Variants in TMEM138 observed in about 807,000 individuals in gnomAD.
The protein encoded by TMEM138 is transmembrane protein 138.
TMEM138 carries 9 observed loss-of-function variants against 18.1 expected under a neutral mutation model. That is an observed-to-expected ratio of 0.50 (90% CI 0.30 to 0.87). The LOEUF is 0.87. TMEM138 is among the 40% of genes least tolerant of loss of function. The pLI is 0.06. For missense variants in TMEM138, 189 were observed against 190.6 expected (o/e 0.99, Z 0.05); for synonymous variants, 79 against 74.8 (o/e 1.06, Z -0.29).
At chr11:61,370,537 C>T (rs186248896), downstream of TMEM138, among the ~76,000 whole-genome samples, 8 of 152,214 alleles carry the variant, frequency 5.3e-5, no homozygotes, top group East Asian at 1.5e-3. Context: ...GAGCTGAAGC[C>T]ACACCCTGTC....
At chr11:61,374,113 G>T (rs1445699810), downstream of TMEM138, among the ~76,000 whole-genome samples, 1 of 150,226 alleles carries the variant, frequency 6.7e-6, no homozygotes, top group East Asian at 1.9e-4. Context: ...AAAGTTCTGG[G>T]ATTACAGGCC....
At chr11:61,370,766 G>A (rs191195676), downstream of TMEM138, among the ~76,000 whole-genome samples, 233 of 152,214 alleles carry the variant, frequency 1.5e-3, 6 homozygotes, top group South Asian at 0.046. Flanking sequence ...ACTTAACCAC[G>A]ACACTGAAGC....
downstream of TMEM138, among the ~76,000 whole-genome samples, chr11:61,373,404 T>C (rs930947603): frequency 6.6e-6 from 1 of 152,216 alleles, no homozygotes; most frequent in African/African-American, 2.4e-5. Context: ...GTTATAAAAG[T>C]TATAAAGGCT....
At chr11:61,368,533 G>C in intron 4 of TMEM138, 64 bp from the exon 5 acceptor site, 2 of 1,210,510 alleles carry the variant, frequency 1.7e-6, no homozygotes, top group Admixed American at 3.6e-5. Context: ...GCCAGGTTCT[G>C]TTCTTAACCT....
rs1464703730 is a variant in TMEM138, at chr11:61,369,009, C to T, written c.*300C>T. On this transcript the variant is annotated 3_prime_UTR_variant, in exon 5 of 5. Transcript: ENST00000278826. Reference sequence around the variant, plus strand: ...CTTTCTTGCCGAGGGTTCTGTGGCTCTTACCCTTGTGAAGCTTTTCCTTTA... The same window carrying T: ...CTTTCTTGCCGAGGGTTCTGTGGCTTTTACCCTTGTGAAGCTTTTCCTTTA... 5.9e-6 allele frequency: 2 copies of T among 336,280 alleles called. No homozygotes were observed. The highest frequency in any genetic ancestry group is 1.1e-5 in the Non-Finnish European group (2 of 176,628). The allele number at this position is 336,280 out of a possible 1,614,324, so 20.8% of individuals were successfully genotyped here.
intron 2 of TMEM138, 178 bp from the exon 3 acceptor site, chr11:61,365,867 T>A: frequency 3.0e-6 from 2 of 675,684 alleles, no homozygotes; most frequent in Non-Finnish European, 4.5e-6. Flanking sequence ...TAATTTTAGG[T>A]AATTTTAGCT....
Position 61,364,292 on chromosome 11 carries a change from G to A in TMEM138, c.-99G>A. 1.4e-6 allele frequency: 2 copies of A among 1,456,806 alleles called. No individual in the cohort carries two copies. Among genetic ancestry groups the A allele is most frequent in the East Asian group, 2.3e-5 (1 of 43,786 alleles). The allele number at this position is 1,456,806 out of a possible 1,614,324, so 90.2% of individuals were successfully genotyped here. On this transcript the variant is annotated 5_prime_UTR_variant, in exon 2 of 5. Transcript: ENST00000278826. ...CAAGGGAAACAGCTCTCATTCAAAGGAACTAGAAGCCTCTCCCTCAGTGGT... is the reference window on the plus strand; with the variant it reads ...CAAGGGAAACAGCTCTCATTCAAAGAAACTAGAAGCCTCTCCCTCAGTGGT...
Position 61,368,713 on chromosome 11 carries a change from C to T in TMEM138, c.*4C>T. ...GTTCATGCAAGTTCGAAGGTGACCT[C>T]TTGTCACACTGATGGATACTTTTCC... On this transcript the variant is annotated 3_prime_UTR_variant, in exon 5 of 5. Coordinates refer to ENST00000278826, the MANE Select transcript of TMEM138 (RefSeq NM_016464.5). The T allele has an allele frequency of 1.2e-6, 2 of 1,604,884 alleles. No homozygotes were observed. Among genetic ancestry groups the T allele is most frequent in the Non-Finnish European group, 1.7e-6 (2 of 1,171,900 alleles).
At chr11:61,369,800 C>G (rs1390341420), downstream of TMEM138, among the ~76,000 whole-genome samples, 2 of 152,220 alleles carry the variant, frequency 1.3e-5, no homozygotes, top group Admixed American at 6.5e-5. Flanking sequence ...TGCAGATTTA[C>G]TTCCCACAGA....
downstream of TMEM138, among the ~76,000 whole-genome samples, chr11:61,371,869 G>C (rs1858352122): frequency 6.6e-6 from 1 of 152,100 alleles, no homozygotes; most frequent in South Asian, 2.1e-4. Flanking sequence ...TTTCTGATTG[G>C]CAACTGGTTG....
chr11:61,373,989 C>A (rs1858400786), downstream of TMEM138, among the ~76,000 whole-genome samples: 1 of 151,848 alleles, frequency 6.6e-6, no homozygotes, highest in South Asian at 2.1e-4. Flanking sequence ...ATTACAGATG[C>A]CTGCCAACAC....
rs1858277397 is a variant in TMEM138, at chr11:61,369,438, T to C, written c.*729T>C. 1 of 152,248 alleles carries C rather than the reference T, an allele frequency of 6.6e-6. No homozygotes were observed. The highest frequency in any genetic ancestry group is 6.5e-5 in the Admixed American group (1 of 15,286). The allele number at this position is 152,248 out of a possible 1,614,324, so 9.4% of individuals were successfully genotyped here. A position where few individuals can be genotyped will look rare whatever the true frequency, so the allele number is the denominator to read the frequency against. On this transcript the variant is annotated 3_prime_UTR_variant, in exon 5 of 5. Coordinates refer to ENST00000278826, the MANE Select transcript of TMEM138 (RefSeq NM_016464.5). ...ATGTGTGTGCTCTGTTCAGACTCTCTTTCCTTATCAGAAGCCTTAACTGCC... is the reference window on the plus strand; with the variant it reads ...ATGTGTGTGCTCTGTTCAGACTCTCCTTCCTTATCAGAAGCCTTAACTGCC...
downstream of TMEM138, among the ~76,000 whole-genome samples, chr11:61,372,578 C>G (rs907443131): frequency 2.0e-5 from 3 of 151,054 alleles, no homozygotes; most frequent in African/African-American, 7.3e-5. Flanking sequence ...GTCAGGAGAT[C>G]GAGACCATCC....
chr11:61,366,114 C>G lies in TMEM138; in HGVS notation c.198C>G (p.Phe66Leu), dbSNP rs893514419. The change falls in exon 3 of 5, where the codon TTC becomes TTG. Residue 66 changes from phenylalanine to leucine, a missense_variant. Transcript: ENST00000278826. ...IFLMFFNTFV[F>L]QAGLVNLLFH... ...TCATGTTCTTCAACACCTTCGTCTTCCAGGCTGGCCTGGTCAACCTCCTAT... is the reference window on the plus strand; with the variant it reads ...TCATGTTCTTCAACACCTTCGTCTTGCAGGCTGGCCTGGTCAACCTCCTAT... 7.4e-6 allele frequency: 12 copies of G among 1,614,228 alleles called. No individual in the cohort carries two copies. Among genetic ancestry groups the G allele is most frequent in the Non-Finnish European group, 9.3e-6 (11 of 1,180,030 alleles).
chr11:61,372,094 T>G (rs1220578768), downstream of TMEM138, among the ~76,000 whole-genome samples: 3 of 151,248 alleles, frequency 2.0e-5, no homozygotes, highest in Admixed American at 2.0e-4. Flanking sequence ...GAGAATTGCT[T>G]GAACCTGGGA....
downstream of TMEM138, among the ~76,000 whole-genome samples, chr11:61,375,460 CTA>C (rs1858423433): frequency 6.6e-6 from 1 of 151,258 alleles, no homozygotes; most frequent in East Asian, 1.9e-4. Context: ...GTAGCTGGGA[CTA>C]CAGGCATGCG....
At position 61,365,583 on chromosome 11, in the gene TMEM138, T is replaced by A. The variant is rs1250300466; in HGVS notation, c.129-462T>A. 2.6e-5 allele frequency: 4 copies of A among 152,230 alleles called. No individual in the cohort carries two copies. The East Asian group carries it at 7.8e-4, about 30-fold the overall frequency. The allele number at this position is 152,230 out of a possible 1,614,324, so 9.4% of individuals were successfully genotyped here. A position where few individuals can be genotyped will look rare whatever the true frequency, so the allele number is the denominator to read the frequency against. ...AGGCATGAGCTAATTTTTTTTTTAATTAGCTGAGTATAGTGGCACACACCT... is the reference window on the plus strand; with the variant it reads ...AGGCATGAGCTAATTTTTTTTTTAAATAGCTGAGTATAGTGGCACACACCT... On this transcript the variant is annotated intron_variant, in intron 2 of 4. Coordinates refer to ENST00000278826, the MANE Select transcript of TMEM138 (RefSeq NM_016464.5).
chr11:61,375,102 GAATT>G (rs1826251570), downstream of TMEM138, among the ~76,000 whole-genome samples: 4 of 152,124 alleles, frequency 2.6e-5, no homozygotes. Context: ...AGCAGAACAG[GAATT>G]AATTGCATGG....
intron 4 of TMEM138, 126 bp from the exon 5 acceptor site, chr11:61,368,471 C>T: frequency 3.2e-6 from 2 of 633,166 alleles, no homozygotes. Flanking sequence ...CATGATCCGC[C>T]TGCCTCTGCC....
Sources: gnomAD v4.1 joint callset for allele counts (sites outside exome capture counted in the v4.1 genomes callset) on GRCh38, gnomAD v4.1.1 for gene constraint, MANE v1.5 for transcripts, NCBI Gene and HGNC (gene_info 2026-07-23, HGNC 2026-07-21) for gene names.